Variants in RHOA observed in about 807,000 individuals in gnomAD.
RHOA encodes ras homolog family member A, also known as transforming protein RhoA.
RHOA carries 3 observed loss-of-function variants against 17.5 expected under a neutral mutation model. The observed-to-expected ratio is 0.17, with a 90% CI of 0.08 to 0.44. The LOEUF (loss-of-function observed/expected upper bound fraction) is 0.44. Ranked by LOEUF, RHOA falls within the 20% of genes least tolerant of loss-of-function variation. The probability of loss-of-function intolerance (pLI) is 0.99; values close to 1 mark genes in which losing one functional copy is unlikely to be tolerated. For missense variants in RHOA, 56 were observed against 242.3 expected (o/e 0.23, Z 5.10); for synonymous variants, 98 against 88.4 (o/e 1.11, Z -0.61).
chr3:49,368,464 G>A lies in RHOA; in HGVS notation c.241C>T (p.Leu81=), dbSNP rs1237699050. ...PLSYPDTDVI[L]MCFSIDSPDS... is the part of the protein sequence containing the mutation. The stretch of plus-strand genomic sequence containing the variant: ...GGGCTGTCGATGGAAAAACACATCA[G>A]TATAACATCGGTATCTGGGTAGGAG... Residue 81 remains leucine, a synonymous_variant, in exon 3 of 5, where the codon CTG becomes TTG. Transcript: ENST00000418115. 6.2e-7 allele frequency: 1 copy of A among 1,613,874 alleles called. No individual in the cohort carries two copies. The highest frequency in any genetic ancestry group is 2.2e-5 in the East Asian group (1 of 44,888).
intron 3 of RHOA, chr3:49,365,185 C>T (rs1345848764): frequency 6.6e-6 from 1 of 151,316 alleles, no homozygotes; most frequent in Non-Finnish European, 1.5e-5. Context: ...CTCTGTCGCC[C>T]AGGCTGGAGC....
At chr3:49,365,832 C>T (rs1161928209) in intron 3 of RHOA, among the ~76,000 whole-genome samples, 1 of 151,926 alleles carries the variant, frequency 6.6e-6, no homozygotes, top group Non-Finnish European at 1.5e-5. Context: ...CTCAGGTGAT[C>T]CGCCTACCTC....
chr3:49,404,969 C>G (rs1452011512), intron 1 of RHOA, among the ~76,000 whole-genome samples: 2 of 148,302 alleles, frequency 1.3e-5, no homozygotes, highest in Non-Finnish European at 3.0e-5. Context: ...AAAAGTAGGC[C>G]AGGCGCGGTG....
chr3:49,380,674 A>AAATAATAATAATAAT (rs199906304), intron 1 of RHOA, among the ~76,000 whole-genome samples: 2 of 137,540 alleles, frequency 1.5e-5, no homozygotes, highest in Non-Finnish European at 3.1e-5. Flanking sequence ...CTTGTCTCAA[A>AAATAATAATAATAAT]AATAATAATA....
intron 1 of RHOA, among the ~76,000 whole-genome samples, chr3:49,388,717 T>C (rs572753390): frequency 7.2e-5 from 11 of 152,338 alleles, no homozygotes; most frequent in Non-Finnish European, 1.2e-4. Flanking sequence ...AGCCCACTAA[T>C]AACTAATTTA....
chr3:49,399,302 G>A (rs181436770), intron 1 of RHOA, among the ~76,000 whole-genome samples: 370 of 151,018 alleles, frequency 2.5e-3, no homozygotes, highest in Admixed American at 5.0e-3. Context: ...CCTGGGAGGC[G>A]GAGCTTGCAG....
intron 1 of RHOA, among the ~76,000 whole-genome samples, chr3:49,397,911 AAGC>A (rs1385973718): frequency 2.0e-5 from 3 of 152,208 alleles, no homozygotes; most frequent in African/African-American, 7.2e-5. Flanking sequence ...ATTATCCTAA[AAGC>A]AGGAGAATAA....
chr3:49,393,723 T>TGA (rs1559512263), intron 1 of RHOA, among the ~76,000 whole-genome samples: 12 of 99,622 alleles, frequency 1.2e-4, no homozygotes, highest in East Asian at 3.9e-4. Context: ...TGTGTGTGTG[T>TGA]GTGTGTGACA....
At chr3:49,409,376 C>A (rs1249317935) in intron 1 of RHOA, among the ~76,000 whole-genome samples, 1 of 152,052 alleles carries the variant, frequency 6.6e-6, no homozygotes, top group South Asian at 2.1e-4. Context: ...GCCTGGGCAA[C>A]AGAGTGAGAC....
chr3:49,399,477 G>A (rs970120935), intron 1 of RHOA, among the ~76,000 whole-genome samples: 3 of 152,034 alleles, frequency 2.0e-5, no homozygotes, highest in Admixed American at 6.6e-5. Context: ...TGTAATGGCG[G>A]GATACATAGA....
intron 4 of RHOA, among the ~76,000 whole-genome samples, chr3:49,361,745 G>A (rs1022313125): frequency 8.5e-5 from 13 of 152,172 alleles, no homozygotes; most frequent in Admixed American, 1.3e-4. Flanking sequence ...GCCAGGCGTG[G>A]TGGCACATGC....
chr3:49,382,915 C>T (rs2048340055), intron 1 of RHOA, among the ~76,000 whole-genome samples: 1 of 151,542 alleles, frequency 6.6e-6, no homozygotes. Flanking sequence ...ATTAGGTGGG[C>T]GTGGTGGTGG....
chr3:49,381,794 G>A (rs1243366435), intron 1 of RHOA, among the ~76,000 whole-genome samples: 1 of 151,626 alleles, frequency 6.6e-6, no homozygotes, highest in African/African-American at 2.4e-5. Context: ...GAACCCGGGA[G>A]GAGGAAGTTG....
At chr3:49,378,898 A>C (rs989950849) in intron 1 of RHOA, among the ~76,000 whole-genome samples, 1 of 152,136 alleles carries the variant, frequency 6.6e-6, no homozygotes, top group Non-Finnish European at 1.5e-5. Context: ...CCCAGGCCTA[A>C]ATACAGTATA....
intron 1 of RHOA, among the ~76,000 whole-genome samples, chr3:49,385,770 G>C (rs977634085): frequency 4.6e-5 from 7 of 152,064 alleles, no homozygotes; most frequent in Non-Finnish European, 8.8e-5. Context: ...CATGATATGA[G>C]GTAAGGGGTC....
At chr3:49,397,439 T>C (rs1284876802) in intron 1 of RHOA, among the ~76,000 whole-genome samples, 5 of 152,140 alleles carry the variant, frequency 3.3e-5, no homozygotes, top group Admixed American at 3.3e-4. Context: ...CACCAAACTG[T>C]TCATTTCAAA....
At chr3:49,398,601 A>C (rs1479214689) in intron 1 of RHOA, among the ~76,000 whole-genome samples, 1 of 151,396 alleles carries the variant, frequency 6.6e-6, no homozygotes, top group Non-Finnish European at 1.5e-5. Context: ...AGGCGGGTGG[A>C]TCACGAGGTC....
chr3:49,379,210 A>G (rs893107778), intron 1 of RHOA, among the ~76,000 whole-genome samples: 2 of 152,196 alleles, frequency 1.3e-5, no homozygotes, highest in Non-Finnish European at 2.9e-5. Flanking sequence ...GATAAAGGAT[A>G]AAGTACTGAT....
chr3:49,362,861 G>C (rs773712340), intron 3 of RHOA, among the ~76,000 whole-genome samples: 1 of 152,158 alleles, frequency 6.6e-6, no homozygotes, highest in Non-Finnish European at 1.5e-5. Flanking sequence ...CATCTCTGTA[G>C]GTGGGGCCCG....
Sources: gnomAD v4.1 joint callset for allele counts (sites outside exome capture counted in the v4.1 genomes callset) on GRCh38, gnomAD v4.1.1 for gene constraint, MANE v1.5 for transcripts, NCBI Gene and HGNC (gene_info 2026-07-23, HGNC 2026-07-21) for gene names.